TMEM163: variants seen among roughly 807,000 people sequenced by gnomAD.
TMEM163 encodes transmembrane protein 163.
Under a neutral mutation model 29.3 loss-of-function variants are expected in TMEM163, and 17 were observed. The ratio of observed to expected loss-of-function variants is 0.58; its 90% CI spans 0.40 to 0.87. TMEM163 has a LOEUF of 0.87. TMEM163 is among the 40% of genes least tolerant of loss of function. TMEM163 has a pLI of 0.00. For missense variants in TMEM163, 303 were observed against 381.5 expected (o/e 0.79, Z 1.71); for synonymous variants, 157 against 160.6 (o/e 0.98, Z 0.17).
At chr2:134,491,045 G>A (rs1421784127) in intron 5 of TMEM163, among the ~76,000 whole-genome samples, 2 of 152,124 alleles carry the variant, frequency 1.3e-5, no homozygotes, top group Non-Finnish European at 2.9e-5. Flanking sequence ...AGATAGGAAG[G>A]TGTTCTCAAA....
intron 4 of TMEM163, among the ~76,000 whole-genome samples, chr2:134,521,470 G>T (rs1266026143): frequency 6.6e-6 from 1 of 152,182 alleles, no homozygotes. Context: ...CAGGGATGCT[G>T]CGATGCACAG....
intron 2 of TMEM163, among the ~76,000 whole-genome samples, chr2:134,563,811 T>C (rs1191968383): frequency 1.3e-5 from 2 of 152,014 alleles, no homozygotes; most frequent in Non-Finnish European, 2.9e-5. Flanking sequence ...TCCCAGCACT[T>C]TGGGAGGCCA....
In TMEM163 at chr2:134,484,260, G is replaced by A. The variant is rs892312468; in HGVS notation, c.556-18035C>T. Among the ~76,000 whole-genome samples the A allele has an allele frequency of 3.3e-5, 5 of 152,176 alleles. No individual in the cohort carries two copies. The East Asian group carries it at 5.8e-4, about 18-fold the overall frequency. The stretch of plus-strand genomic sequence containing the variant: ...AAACACCCTCACCAAGGCGAATAAC[G>A]AAATTCTCAGAACACCGAAGACAAA... On this transcript the variant is annotated intron_variant, in intron 5 of 7. Coordinates refer to ENST00000281924, the MANE Select transcript of TMEM163 (RefSeq NM_030923.5).
chr2:134,671,383 C>T (rs1401993022), intron 2 of TMEM163, among the ~76,000 whole-genome samples: 5 of 152,162 alleles, frequency 3.3e-5, no homozygotes, highest in Non-Finnish European at 7.3e-5. Context: ...TCTCCCCAAA[C>T]CATTTCAGAT....
chr2:134,680,000 A>T (rs1243909033), intron 2 of TMEM163, among the ~76,000 whole-genome samples: 2 of 152,222 alleles, frequency 1.3e-5, no homozygotes, highest in African/African-American at 4.8e-5. Context: ...TCCAACAAAA[A>T]TACCAAGGAA....
At chr2:134,457,395 G>A (rs572567106) in intron 7 of TMEM163, among the ~76,000 whole-genome samples, 8 of 152,274 alleles carry the variant, frequency 5.3e-5, no homozygotes, top group South Asian at 2.1e-4. Context: ...TTCCACTTTC[G>A]CCACGTCCTC....
intron 2 of TMEM163, among the ~76,000 whole-genome samples, chr2:134,598,637 G>C (rs534149068): frequency 2.6e-5 from 4 of 152,140 alleles, no homozygotes; most frequent in African/African-American, 9.7e-5. Context: ...TTGCAGGCTG[G>C]GCGTGGTGGC....
intron 2 of TMEM163, among the ~76,000 whole-genome samples, chr2:134,612,542 A>ACACACACACAC (rs1682528191): frequency 2.8e-5 from 4 of 140,654 alleles, no homozygotes; most frequent in Non-Finnish European, 3.0e-5. Flanking sequence ...GGTTTGCCCC[A>ACACACACACAC]ACACACACAC....
At chr2:134,631,959 AG>A (rs1175239355) in intron 2 of TMEM163, among the ~76,000 whole-genome samples, 1 of 152,256 alleles carries the variant, frequency 6.6e-6, no homozygotes, top group South Asian at 2.1e-4. Flanking sequence ...ATGAAGAGAC[AG>A]TATGACAAGT....
At chr2:134,597,965 C>T (rs1682127858) in intron 2 of TMEM163, among the ~76,000 whole-genome samples, 1 of 152,256 alleles carries the variant, frequency 6.6e-6, no homozygotes, top group East Asian at 1.9e-4. Context: ...GTGATATCCC[C>T]TTTATCATTT....
intron 2 of TMEM163, among the ~76,000 whole-genome samples, chr2:134,684,517 C>A (rs1209572384): frequency 6.6e-6 from 1 of 152,150 alleles, no homozygotes; most frequent in East Asian, 1.9e-4. Context: ...GAGCAAGGGG[C>A]ACCTCGGAGT....
intron 2 of TMEM163, among the ~76,000 whole-genome samples, chr2:134,571,378 T>TGGATCATCCCCACTTGCCTCTGCC (rs1159236559): frequency 1.3e-5 from 2 of 152,218 alleles, no homozygotes; most frequent in Admixed American, 6.5e-5. Context: ...GAGCTTCTGC[T>TGGATCATCCCCACTTGCCTCTGCC]GGCTCATCCC....
intron 2 of TMEM163, among the ~76,000 whole-genome samples, chr2:134,645,252 C>G (rs1352413873): frequency 6.6e-6 from 1 of 152,204 alleles, no homozygotes; most frequent in Non-Finnish European, 1.5e-5. Context: ...ACCCAGCAAT[C>G]CTACACCTAA....
rs1384533591 is a variant in TMEM163 at position 134,718,970 on chromosome 2, CAA to C, written c.-37_-36del. Reference sequence around the variant, plus strand: ...CTGCGGATCCCGGCGGCGGCGACGACAAGCGCGGCGGGGACTCGAGTCAGAAG... The same window carrying C: ...CTGCGGATCCCGGCGGCGGCGACGACGCGCGGCGGGGACTCGAGTCAGAAG... On this transcript the variant is annotated 5_prime_UTR_variant, in exon 1 of 8. Coordinates refer to ENST00000281924, the MANE Select transcript of TMEM163 (RefSeq NM_030923.5). The C allele has an allele frequency of 9.8e-7, 1 of 1,024,194 alleles. No individual in the cohort carries two copies. Among genetic ancestry groups the C allele is most frequent in the Non-Finnish European group, 1.2e-6 (1 of 857,120 alleles). The allele number at this position is 1,024,194 out of a possible 1,614,324, so 63.4% of individuals were successfully genotyped here.
intron 2 of TMEM163, among the ~76,000 whole-genome samples, chr2:134,593,638 A>G (rs1681990528): frequency 6.6e-6 from 1 of 151,920 alleles, no homozygotes; most frequent in Non-Finnish European, 1.5e-5. Context: ...GAGTTGGGGC[A>G]GAGGAGAGGA....
At chr2:134,472,532 C>T (rs1228968565) in intron 5 of TMEM163, among the ~76,000 whole-genome samples, 1 of 152,196 alleles carries the variant, frequency 6.6e-6, no homozygotes, top group African/African-American at 2.4e-5. Flanking sequence ...GTACAGAGAA[C>T]AATTTGACAA....
At chr2:134,698,566 A>T (rs1684628366) in intron 2 of TMEM163, among the ~76,000 whole-genome samples, 1 of 151,866 alleles carries the variant, frequency 6.6e-6, no homozygotes, top group African/African-American at 2.4e-5. Flanking sequence ...ATTTATTTGT[A>T]TTCTTCAAAG....
At chr2:134,559,417 T>C (rs1681118415) in intron 2 of TMEM163, among the ~76,000 whole-genome samples, 1 of 152,168 alleles carries the variant, frequency 6.6e-6, no homozygotes, top group South Asian at 2.1e-4. Context: ...TCTCAGCAAA[T>C]TACAAAAAGC....
chr2:134,539,443 G>A (rs1435039429), intron 4 of TMEM163, among the ~76,000 whole-genome samples: 2 of 152,240 alleles, frequency 1.3e-5, no homozygotes, highest in East Asian at 3.8e-4. Flanking sequence ...ATAGCACCCA[G>A]TGGGCTGATC....
Sources: gnomAD v4.1 joint callset for allele counts (sites outside exome capture counted in the v4.1 genomes callset) on GRCh38, gnomAD v4.1.1 for gene constraint, MANE v1.5 for transcripts, NCBI Gene and HGNC (gene_info 2026-07-23, HGNC 2026-07-21) for gene names.